The following DDX5 variants were observed in gnomAD, a reference collection of about 807,000 sequenced individuals.
DDX5 encodes probable ATP-dependent RNA helicase DDX5.
In DDX5, 6 loss-of-function variants were observed where a neutral mutation model predicts 68.6. That is an observed-to-expected ratio of 0.09 (90% CI 0.05 to 0.17). The LOEUF is 0.17. DDX5 is among the 10% of genes least tolerant of loss of function. The pLI is 1.00. For synonymous variants in DDX5, 350 were observed against 247.0 expected (o/e 1.42, Z -3.91); for missense variants, 499 against 756.1 (o/e 0.66, Z 3.99).
chr17:64,504,408 T>G (rs2144268287), intron 2 of DDX5, 90 bp from the exon 3 acceptor site: 1 of 1,191,644 alleles, frequency 8.4e-7, no homozygotes, highest in East Asian at 2.4e-5. Context: ...CATAATTTAG[T>G]AACTAGTTTA....
chr17:64,505,532 C>T (rs1269542775), intron 1 of DDX5: 3 of 617,942 alleles, frequency 4.9e-6, no homozygotes, highest in Non-Finnish European at 5.7e-6. Context: ...CTCTGCGCCA[C>T]ATTTTCTCGA....
At chr17:64,501,877 CCA>C in intron 11 of DDX5, 131 bp downstream of exon 11, 1 of 876,854 alleles carries the variant, frequency 1.1e-6, no homozygotes, top group Non-Finnish European at 1.8e-6. Flanking sequence ...CTAGGCCTTG[CCA>C]CAAAGACAGC....
chr17:64,498,496 A>G lies in DDX5; in HGVS notation c.*1427T>C, dbSNP rs1481813222. On this transcript the variant is annotated 3_prime_UTR_variant, in exon 13 of 13. Transcript: ENST00000225792. ...AGCTGCTTCTAAGTTTAAAACCATG[A>G]ATTTGACTAACCATGCCATTGAAAA... 2.6e-5 allele frequency among the ~76,000 whole-genome samples: 4 copies of G among 152,216 alleles called. No individual in the cohort carries two copies. Among genetic ancestry groups the G allele is most frequent in the African/African-American group, 9.6e-5 (4 of 41,460 alleles).
At chr17:64,502,112 T>C (rs1459700044) in intron 10 of DDX5, 43 bp from the exon 11 acceptor site, 6 of 1,613,698 alleles carry the variant, frequency 3.7e-6, no homozygotes, top group Non-Finnish European at 5.1e-6. Flanking sequence ...CTGAGCAGAA[T>C]TCTAGCTAGG....
chr17:64,505,603 G>C, intron 1 of DDX5: 1 of 879,642 alleles, frequency 1.1e-6, no homozygotes, highest in East Asian at 2.7e-5. Context: ...CCATGTCCGA[G>C]GCCGGCATTT....
Position 64,498,776 on chromosome 17 carries a change from G to C in DDX5, c.*1147C>G, listed in dbSNP as rs917461859. ...TATTACTGAAATAAATGATTAGAAA[G>C]TTACGTTGGTGAGCCGAAGTTAAAC... is the stretch of plus-strand genomic sequence containing the variant. On this transcript the variant is annotated 3_prime_UTR_variant, in exon 13 of 13. Transcript: ENST00000225792. 6.6e-6 allele frequency among the ~76,000 whole-genome samples: 1 copy of C among 152,170 alleles called. No homozygotes were observed. The highest frequency in any genetic ancestry group is 1.5e-5 in the Non-Finnish European group (1 of 68,034).
chr17:64,503,702 T>A (rs2038354215), intron 5 of DDX5, 101 bp downstream of exon 5: 1 of 1,526,362 alleles, frequency 6.6e-7, no homozygotes, highest in African/African-American at 1.4e-5. Context: ...TAGGGTGAGC[T>A]AACCTCTATA....
Position 64,499,915 on chromosome 17 carries a change from C to G in DDX5, c.*8G>C, listed in dbSNP as rs192319876. 1.5e-5 allele frequency: 23 copies of G among 1,572,216 alleles called. No homozygotes were observed. In the East Asian group the frequency reaches 5.2e-4, roughly 35 times the overall value. On this transcript the variant is annotated 3_prime_UTR_variant, in exon 13 of 13. Coordinates refer to ENST00000225792, the MANE Select transcript of DDX5 (RefSeq NM_004396.5). ...GAAAAACAGACATTTACATATACTT[C>G]TAAAGTCTTATTGGGAATATCCTGT...
rs782789308 is a variant in DDX5, at chr17:64,502,241, TTG to T, written c.1095-20_1095-19del. On this transcript the variant is annotated intron_variant, in intron 9 of 12. Transcript: ENST00000225792. ...CAGGCCACCTAAGTTAAAAGACAAG[TTG>T]TGTTATTAAACTCACATTGAAAACC... 1 of 1,613,516 alleles carries T rather than the reference TTG, an allele frequency of 6.2e-7. No individual in the cohort carries two copies. Among genetic ancestry groups the T allele is most frequent in the South Asian group, 1.1e-5 (1 of 91,046 alleles).
upstream of DDX5, chr17:64,506,457 T>A (rs1450865256): frequency 7.9e-7 from 1 of 1,269,632 alleles, no homozygotes; most frequent in Non-Finnish European, 1.0e-6. Flanking sequence ...CGCCACTCTC[T>A]CAGGTCAGGG....
intron 9 of DDX5, 85 bp downstream of exon 9, chr17:64,502,353 GA>G: frequency 1.4e-6 from 2 of 1,446,908 alleles, no homozygotes; most frequent in Non-Finnish European, 1.9e-6. Context: ...TATCAGATAT[GA>G]AAAAAATCCA....
At position 64,504,766 on chromosome 17, in the gene DDX5, A is replaced by G; in HGVS notation, c.121T>C (p.Leu41=). 1 of 1,613,914 alleles carries G rather than the reference A, an allele frequency of 6.2e-7. No individual in the cohort carries two copies. Among genetic ancestry groups the G allele is most frequent in the Non-Finnish European group, 8.5e-7 (1 of 1,179,968 alleles). The change falls in exon 2 of 13, where the codon TTA becomes CTA. Residue 41 remains leucine, a synonymous_variant. Transcript: ENST00000225792. ...GKKFGNPGEK[L]VKKKWNLDEL... is the part of the protein sequence containing the mutation. ...TCAAGATTCCACTTCTTTTTAACTA[A>G]TTTCTCCCCAGGGTTTCCAAACTTC...
intron 6 of DDX5, 39 bp from the exon 7 acceptor site, chr17:64,503,387 A>G (rs782016949): frequency 1.9e-6 from 3 of 1,614,028 alleles, no homozygotes; most frequent in South Asian, 2.2e-5. Context: ...AATACCTAGG[A>G]TATTTAGCAC....
chr17:64,504,417 T>TA (rs781903003), intron 2 of DDX5, 99 bp from the exon 3 acceptor site: 3 of 1,111,556 alleles, frequency 2.7e-6, no homozygotes, highest in Non-Finnish European at 4.0e-6. Context: ...GTAACTAGTT[T>TA]AAAGTAGCCT....
intron 1 of DDX5, chr17:64,505,455 G>T: frequency 1.8e-6 from 1 of 571,030 alleles, no homozygotes; most frequent in South Asian, 2.2e-5. Context: ...AGGAGTCCCG[G>T]CCCGGGCGGA....
intron 8 of DDX5, 23 bp from the exon 9 acceptor site, chr17:64,502,572 AAAAATCCTGAG>A (rs1555671313): frequency 6.5e-7 from 1 of 1,549,618 alleles, no homozygotes; most frequent in Non-Finnish European, 8.9e-7. Flanking sequence ...GAGAGAAAGG[AAAAATCCTGAG>A]TTTTAAAAGA....
rs571857378 is a variant in DDX5, at chr17:64,505,433, G to A, written c.45-591C>T. On this transcript the variant is annotated intron_variant, in intron 1 of 12. Coordinates refer to ENST00000225792, the MANE Select transcript of DDX5 (RefSeq NM_004396.5). ...GGAAAAAAGAAAAGGAGGAGCCGGC[G>A]ACTACCGGGGGAGGAGTCCCGGCCC... The A allele has an allele frequency of 2.0e-5, 11 of 544,718 alleles. 1 individual carries two copies. Among genetic ancestry groups the A allele is most frequent in the East Asian group, 3.0e-5 (1 of 33,582 alleles). 33.7% of individuals were successfully genotyped at this position (544,718 alleles called of 1,614,324 possible).
chr17:64,503,083 G>A lies in DDX5; in HGVS notation c.826C>T (p.Leu276=). ...TTTGGCCAAGTCGCACTCCACATTA[G>A]AGTTTGCCTATCAGGCTAATGGATT... ...VDQIRPDRQT[L]MWSATWPKEV... Residue 276 remains leucine (L), a synonymous_variant, in exon 8 of 13, where the codon CTA becomes TTA. Transcript: ENST00000225792. The A allele has an allele frequency of 6.2e-7, 1 of 1,613,680 alleles. No individual in the cohort carries two copies. The highest frequency in any genetic ancestry group is 8.5e-7 in the Non-Finnish European group (1 of 1,179,780).
Position 64,500,011 on chromosome 17 carries a change from T to C in DDX5, c.1757A>G (p.Asn586Ser), listed in dbSNP as rs368526688. ...QYGSNVPNMHNGMNQQAYAYP... is the reference protein window; with the variant it reads ...QYGSNVPNMHSGMNQQAYAYP... ...TGCATATGCCTGTTGGTTCATACCA[T>C]TGTGCATATTTGGAACATTACTTCC... The change falls in exon 13 of 13, where the codon AAT becomes AGT. Residue 586 changes from asparagine to serine, a missense_variant. This residue lies in a region of DDX5 where 171 missense variants were observed against 174.8 expected (regional missense o/e 0.98). Transcript: ENST00000225792. 3.7e-5 allele frequency: 60 copies of C among 1,614,122 alleles called. 1 individual carries two copies. The highest frequency in any genetic ancestry group is 3.2e-4 in the South Asian group (29 of 91,088).
Sources: allele counts gnomAD v4.1 joint callset (sites outside exome capture counted in the v4.1 genomes callset), GRCh38; gene constraint gnomAD v4.1.1; regional missense constraint gnomAD v4.1.1; transcripts MANE v1.5; gene names NCBI Gene and HGNC (gene_info 2026-07-23, HGNC 2026-07-21).